DLG2: variants seen among roughly 807,000 people sequenced by gnomAD.
DLG2 encodes discs large MAGUK scaffold protein 2.
In DLG2, 45 loss-of-function variants were observed where a neutral mutation model predicts 132.5. The ratio of observed to expected loss-of-function variants is 0.34; its 90% CI spans 0.27 to 0.44. The LOEUF (loss-of-function observed/expected upper bound fraction) is 0.44. DLG2 is among the 20% of genes least tolerant of loss of function. The probability of loss-of-function intolerance (pLI) is 1.00; values close to 1 mark genes in which losing one functional copy is unlikely to be tolerated. For missense variants in DLG2, 1,045 were observed against 1,196.9 expected (o/e 0.87, Z 1.87); for synonymous variants, 424 against 419.6 (o/e 1.01, Z -0.13).
intron 6 of DLG2, among the ~76,000 whole-genome samples, chr11:85,027,419 CCT>C (rs2060630169): frequency 1.3e-5 from 2 of 152,088 alleles, no homozygotes; most frequent in Admixed American, 1.3e-4. Context: ...CAGCCAGAAA[CCT>C]CTGTGGCAGG....
chr11:85,610,680 G>T (rs1021826535), intron 2 of DLG2, among the ~76,000 whole-genome samples: 7 of 152,204 alleles, frequency 4.6e-5, no homozygotes, highest in Non-Finnish European at 1.0e-4. Context: ...GGCTACTCTA[G>T]ATCTCTTGAA....
chr11:83,994,157 A>T (rs189994620), intron 11 of DLG2, among the ~76,000 whole-genome samples: 1 of 152,182 alleles, frequency 6.6e-6, no homozygotes, highest in Non-Finnish European at 1.5e-5. Flanking sequence ...TAGAATTAGA[A>T]TATAGTTATT....
At chr11:85,419,701 A>G (rs2090143924) in intron 3 of DLG2, among the ~76,000 whole-genome samples, 1 of 152,084 alleles carries the variant, frequency 6.6e-6, no homozygotes, top group Non-Finnish European at 1.5e-5. Flanking sequence ...CTCTGATATC[A>G]TCTCTTCCAC....
At chr11:83,753,182 G>T (rs567772446) in intron 18 of DLG2, among the ~76,000 whole-genome samples, 68 of 152,304 alleles carry the variant, frequency 4.5e-4, no homozygotes, top group African/African-American at 1.5e-3. Flanking sequence ...AAGCACTTTG[G>T]GAGGCTGAGG....
chr11:85,236,427 T>G (rs1393758735), intron 4 of DLG2, among the ~76,000 whole-genome samples: 3 of 152,056 alleles, frequency 2.0e-5, no homozygotes, highest in African/African-American at 7.2e-5. Flanking sequence ...GTCCTCTTGC[T>G]GCTTCTTCAC....
chr11:83,828,938 T>G (rs2053690470), intron 17 of DLG2, among the ~76,000 whole-genome samples: 1 of 152,100 alleles, frequency 6.6e-6, no homozygotes, highest in Non-Finnish European at 1.5e-5. Context: ...AGTAAGCCAT[T>G]AATAACTAAA....
intron 10 of DLG2, among the ~76,000 whole-genome samples, chr11:84,087,930 A>T (rs1474635990): frequency 6.6e-6 from 1 of 152,254 alleles, no homozygotes; most frequent in Non-Finnish European, 1.5e-5. Context: ...AATGTGTTAC[A>T]GCAGCAATAG....
chr11:83,909,888 C>A (rs1217129817), intron 15 of DLG2, among the ~76,000 whole-genome samples: 2 of 152,160 alleles, frequency 1.3e-5, no homozygotes, highest in Non-Finnish European at 2.9e-5. Flanking sequence ...TGGGAAGACT[C>A]TTCCTCTACT....
intron 6 of DLG2, among the ~76,000 whole-genome samples, chr11:84,730,447 T>C (rs1375041523): frequency 6.6e-6 from 1 of 152,038 alleles, no homozygotes; most frequent in Non-Finnish European, 1.5e-5. Flanking sequence ...ACACCAAAGC[T>C]AGCCAAGAAA....
At chr11:84,494,764 A>G (rs2099176015) in intron 7 of DLG2, among the ~76,000 whole-genome samples, 1 of 152,124 alleles carries the variant, frequency 6.6e-6, no homozygotes, top group Non-Finnish European at 1.5e-5. Context: ...CACAGGATCT[A>G]AGTGTTGGAT....
chr11:84,721,072 AC>A (rs1280584339), intron 6 of DLG2, among the ~76,000 whole-genome samples: 1 of 151,662 alleles, frequency 6.6e-6, no homozygotes, highest in African/African-American at 2.4e-5. Context: ...CGCTGACGTG[AC>A]CCCGAGACTG....
chr11:84,830,811 G>T (rs1446829966), intron 6 of DLG2, among the ~76,000 whole-genome samples: 1 of 151,370 alleles, frequency 6.6e-6, no homozygotes, highest in Non-Finnish European at 1.5e-5. Flanking sequence ...CAATGTATAA[G>T]ATAATAAGAT....
At chr11:85,585,995 G>A (rs954133257) in intron 3 of DLG2, among the ~76,000 whole-genome samples, 10 of 152,288 alleles carry the variant, frequency 6.6e-5, no homozygotes, top group South Asian at 4.1e-4. Context: ...GGGATTACAG[G>A]CGTGAGCCTC....
chr11:83,518,974 C>G (rs2095392088), intron 21 of DLG2, among the ~76,000 whole-genome samples: 1 of 152,148 alleles, frequency 6.6e-6, no homozygotes, highest in Admixed American at 6.5e-5. Flanking sequence ...GAGAGTACAG[C>G]TGAGCACTGT....
At position 84,471,887 on chromosome 11, in the gene DLG2, A is replaced by G. The variant is rs545727446; in HGVS notation, c.519+62683T>C. Among the ~76,000 whole-genome samples the G allele has an allele frequency of 2.0e-5, 3 of 151,992 alleles. 1 individual carries two copies. Among genetic ancestry groups the G allele is most frequent in the African/African-American group, 7.2e-5 (3 of 41,512 alleles). On this transcript the variant is annotated intron_variant, in intron 7 of 27. Transcript: ENST00000376104. ...AAACTCACTGTTGCAAAGTTACTTA[A>G]AAGATTTTGTTTTTCTTATACAGTT...
chr11:84,312,460 G>A (rs931629045), intron 7 of DLG2, among the ~76,000 whole-genome samples: 1 of 152,140 alleles, frequency 6.6e-6, no homozygotes, highest in South Asian at 2.1e-4. Flanking sequence ...GGACCAGTGC[G>A]AGACTGCATC....
At chr11:83,633,966 A>T (rs924034604) in intron 18 of DLG2, among the ~76,000 whole-genome samples, 2 of 151,974 alleles carry the variant, frequency 1.3e-5, no homozygotes, top group Non-Finnish European at 2.9e-5. Flanking sequence ...AAAACAAAAA[A>T]CAAAAAACAA....
At chr11:84,631,010 TCTCTCTCTCACACACACACA>T (rs2099630848) in intron 6 of DLG2, among the ~76,000 whole-genome samples, 2 of 129,622 alleles carry the variant, frequency 1.5e-5, no homozygotes, top group African/African-American at 3.3e-5. Flanking sequence ...TCTCTCTCTC[TCTCTCTCTCACACACACACA>T]CACACACACA....
chr11:84,632,425 G>T lies in DLG2; in HGVS notation c.358-97694C>A, dbSNP rs1186341768. ...TCTTTATTGACTCTTTTAGTTTTAA[G>T]GTCAGTTGACCCAGAAAAAGAAGAG... On this transcript the variant is annotated intron_variant, in intron 6 of 27. Transcript: ENST00000376104. Among the ~76,000 whole-genome samples the T allele has an allele frequency of 2.0e-5, 3 of 152,222 alleles. 1 individual carries two copies. Among genetic ancestry groups the T allele is most frequent in the South Asian group, 2.1e-4 (1 of 4,822 alleles).
Sources: allele counts gnomAD v4.1 joint callset (sites outside exome capture counted in the v4.1 genomes callset), GRCh38; gene constraint gnomAD v4.1.1; transcripts MANE v1.5; gene names NCBI Gene and HGNC (gene_info 2026-07-23, HGNC 2026-07-21).